HIP1: variants seen among roughly 807,000 people sequenced by gnomAD.
HIP1 encodes the protein huntingtin-interacting protein 1.
Under a neutral mutation model 147.6 loss-of-function variants are expected in HIP1, and 65 were observed. The ratio of observed to expected loss-of-function variants is 0.44; its 90% CI spans 0.36 to 0.54. The LOEUF (loss-of-function observed/expected upper bound fraction) is 0.54, where lower values mean the gene tolerates loss of function less well. HIP1 is among the 20% of genes least tolerant of loss of function. HIP1 has a pLI of 0.00. For synonymous variants in HIP1, 479 were observed against 504.0 expected, an observed-to-expected ratio of 0.95 and a Z score of 0.67; for missense variants, 1,061 against 1,299.6, an observed-to-expected ratio of 0.82 and a Z score of 2.82.
chr7:75,611,161 T>C (rs1797420050), intron 1 of HIP1, among the ~76,000 whole-genome samples: 1 of 151,574 alleles, frequency 6.6e-6, no homozygotes. Flanking sequence ...TTCTATAAAA[T>C]TTTTTTAGAA....
chr7:75,632,532 C>A (rs996141003), intron 1 of HIP1, among the ~76,000 whole-genome samples: 2 of 151,198 alleles, frequency 1.3e-5, no homozygotes, highest in Non-Finnish European at 2.9e-5. Context: ...AGATTACAGG[C>A]GCACACCACC....
chr7:75,623,533 G>A (rs1319604421), intron 1 of HIP1, among the ~76,000 whole-genome samples: 3 of 152,206 alleles, frequency 2.0e-5, no homozygotes, highest in African/African-American at 7.2e-5. Flanking sequence ...TGAGGGCAGT[G>A]CCAGTTTTCA....
In HIP1 at chr7:75,636,874, A is replaced by C. The variant is rs147300610; in HGVS notation, c.121-37627T>G. Among the ~76,000 whole-genome samples, 1,233 of 152,192 alleles carry C rather than the reference A, an allele frequency of 8.1e-3. 13 individuals are homozygous for C. Among genetic ancestry groups the C allele is most frequent in the East Asian group, 0.03 (154 of 5,182 alleles). On this transcript the variant is annotated intron_variant, in intron 1 of 30. Transcript: ENST00000336926. ...GGGACTTGCTGGTCTGGCCCCAAAC[A>C]ACCATCTCGATGTTTCCTGATTTCA...
chr7:75,539,466 C>G, intron 29 of HIP1, 35 bp from the exon 30 acceptor site: 1 of 1,504,818 alleles, frequency 6.6e-7, no homozygotes, highest in Non-Finnish European at 9.2e-7. Flanking sequence ...TTCTCTTAAT[C>G]ATCTCTCAGA....
chr7:75,644,619 C>T (rs372931733), intron 1 of HIP1, among the ~76,000 whole-genome samples: 3 of 151,700 alleles, frequency 2.0e-5, no homozygotes, highest in East Asian at 1.9e-4. Flanking sequence ...AAAGATTAAA[C>T]GTAAGAAAAA....
chr7:75,584,090 A>G (rs1457404260), intron 5 of HIP1, among the ~76,000 whole-genome samples: 1 of 151,046 alleles, frequency 6.6e-6, no homozygotes, highest in Admixed American at 6.6e-5. Flanking sequence ...CCTCCTGAGT[A>G]GCTGGGATTA....
At position 75,616,107 on chromosome 7, in the gene HIP1, G is replaced by T. The variant is rs13226229; in HGVS notation, c.121-16860C>A. On this transcript the variant is annotated intron_variant, in intron 1 of 30. Coordinates refer to ENST00000336926, the MANE Select transcript of HIP1 (RefSeq NM_005338.7). ...TCTCAAAAAAAAAAAAAAAAAAAAA[G>T]AAAAGATAAGAAAAGAAAAGAAAAC... Among the ~76,000 whole-genome samples the T allele has an allele frequency of 1.1e-3, 108 of 95,774 alleles. 2 individuals are homozygous for T. Among genetic ancestry groups the T allele is most frequent in the African/African-American group, 4.4e-3 (101 of 23,120 alleles). The allele number at this position is 95,774 out of a possible 152,430, so 62.8% of individuals were successfully genotyped here.
intron 1 of HIP1, among the ~76,000 whole-genome samples, chr7:75,602,126 A>G (rs807867): frequency 0.56 from 84,691 of 150,454 alleles, 24,552 homozygotes; most frequent in African/African-American, 0.69. Context: ...TCAGCCTCCC[A>G]AGTAGCTGGG....
rs2117027427 is a variant in HIP1 at position 75,603,876 on chromosome 7, A to G, written c.121-4629T>C. ...GCAACAGAGCAAAAACCCTGTCTCAAAAAAAAGGAAAAAAAAAAAGATGCA... is the reference window on the plus strand; with the variant it reads ...GCAACAGAGCAAAAACCCTGTCTCAGAAAAAAGGAAAAAAAAAAAGATGCA... On this transcript the variant is annotated intron_variant, in intron 1 of 30. Coordinates refer to ENST00000336926, the MANE Select transcript of HIP1 (RefSeq NM_005338.7). Among the ~76,000 whole-genome samples, 3 of 151,672 alleles carry G rather than the reference A, an allele frequency of 2.0e-5. No individual in the cohort carries two copies. The South Asian group carries it at 6.3e-4, about 32-fold the overall frequency.
chr7:75,535,307 G>C lies in HIP1; in HGVS notation c.*2865C>G, dbSNP rs1424460339. ...CTGTCACTCAGGCTGGAGTGCAGTG[G>C]GAAATCATGGCTCATTGCAGCCTCA... On this transcript the variant is annotated 3_prime_UTR_variant, in exon 31 of 31. Transcript: ENST00000336926. 5.0e-6 allele frequency: 1 copy of C among 198,150 alleles called. No individual in the cohort carries two copies. Among genetic ancestry groups the C allele is most frequent in the African/African-American group, 2.3e-5 (1 of 43,388 alleles). 12.3% of individuals were successfully genotyped at this position (198,150 alleles called of 1,614,324 possible).
intron 1 of HIP1, among the ~76,000 whole-genome samples, chr7:75,622,424 C>T (rs373542098): frequency 5.9e-5 from 9 of 151,516 alleles, no homozygotes; most frequent in South Asian, 2.1e-4. Context: ...AGGCCAGGTA[C>T]GGGCAGTGGC....
chr7:75,694,387 T>C (rs1300262337), intron 1 of HIP1, among the ~76,000 whole-genome samples: 10 of 152,156 alleles, frequency 6.6e-5, no homozygotes, highest in Non-Finnish European at 1.3e-4. Context: ...GTTAATGTTC[T>C]TGCACAACTT....
chr7:75,720,189 C>T (rs1484607453), intron 1 of HIP1, among the ~76,000 whole-genome samples: 1 of 152,062 alleles, frequency 6.6e-6, no homozygotes, highest in Admixed American at 6.6e-5. Flanking sequence ...GAAACAGAGT[C>T]TCGCTCTGTC....
chr7:75,699,785 C>T (rs912007242), intron 1 of HIP1, among the ~76,000 whole-genome samples: 6 of 152,184 alleles, frequency 3.9e-5, no homozygotes, highest in Admixed American at 6.6e-5. Flanking sequence ...AGCTTCTCTT[C>T]TCTTTTCCGT....
At chr7:75,641,409 C>T (rs576059670) in intron 1 of HIP1, among the ~76,000 whole-genome samples, 1 of 152,116 alleles carries the variant, frequency 6.6e-6, no homozygotes, top group South Asian at 2.1e-4. Context: ...AGGTGTGAGC[C>T]ACCATGCTCA....
chr7:75,652,329 AACC>A (rs1799023744), intron 1 of HIP1, among the ~76,000 whole-genome samples: 2 of 151,610 alleles, frequency 1.3e-5, no homozygotes, highest in East Asian at 3.9e-4. Context: ...AAAAAAAAAA[AACC>A]ACTATATGTA....
At chr7:75,729,480 C>CT (rs1801763485) in intron 1 of HIP1, among the ~76,000 whole-genome samples, 1 of 151,222 alleles carries the variant, frequency 6.6e-6, no homozygotes, top group Non-Finnish European at 1.5e-5. Context: ...CAGCAAGACT[C>CT]TATCTCTTAA....
chr7:75,553,754 C>T (rs1794882739), intron 21 of HIP1, among the ~76,000 whole-genome samples, 165 bp from the exon 22 acceptor site: 1 of 152,178 alleles, frequency 6.6e-6, no homozygotes, highest in Admixed American at 6.5e-5. Flanking sequence ...TACGGGTGCG[C>T]CACCATGCCC....
At chr7:75,614,003 C>T (rs1170181616) in intron 1 of HIP1, among the ~76,000 whole-genome samples, 1 of 151,950 alleles carries the variant, frequency 6.6e-6, no homozygotes, top group African/African-American at 2.4e-5. Context: ...CAACCTTAAC[C>T]TCCTGGGTTC....
Sources: allele counts gnomAD v4.1 joint callset (sites outside exome capture counted in the v4.1 genomes callset), GRCh38; gene constraint gnomAD v4.1.1; transcripts MANE v1.5; gene names NCBI Gene and HGNC (gene_info 2026-07-23, HGNC 2026-07-21).